The following OSBPL2 variants were observed in gnomAD, a reference collection of about 807,000 sequenced individuals.
OSBPL2 encodes the protein oxysterol binding protein like 2, also known as oxysterol-binding protein-related protein 2.
A neutral mutation model predicts 58.4 loss-of-function variants in OSBPL2; 18 were observed. The ratio of observed to expected loss-of-function variants is 0.31; its 90% confidence interval spans 0.21 to 0.46. OSBPL2 has a LOEUF of 0.46. OSBPL2 is among the 20% of genes least tolerant of loss of function. The pLI is 1.00. For missense variants in OSBPL2, 461 were observed against 616.5 expected (o/e 0.75, Z 2.67); for synonymous variants, 221 against 234.1 (o/e 0.94, Z 0.51).
intron 9 of OSBPL2, chr20:62,282,113 C>G (rs1021614932): frequency 2.9e-6 from 1 of 344,942 alleles, no homozygotes; most frequent in Non-Finnish European, 5.4e-6. Flanking sequence ...TGGCTTGTTA[C>G]TGGGGCCATC....
At chr20:62,264,065 C>CA (rs11476225) in intron 4 of OSBPL2, among the ~76,000 whole-genome samples, 4 of 97,994 alleles carry the variant, frequency 4.1e-5, no homozygotes, top group African/African-American at 7.6e-5. Context: ...GATTCCATCT[C>CA]AAAAAAAAAA....
chr20:62,272,853 G>A (rs1387329883), intron 5 of OSBPL2, among the ~76,000 whole-genome samples: 1 of 152,210 alleles, frequency 6.6e-6, no homozygotes, highest in Non-Finnish European at 1.5e-5. Context: ...CCACGATTAC[G>A]CCACTGCACT....
rs1981922172 is a variant in OSBPL2, at chr20:62,269,634, T to C, written c.259-2491T>C. 6.6e-6 allele frequency among the ~76,000 whole-genome samples: 1 copy of C among 152,202 alleles called. No individual in the cohort carries two copies. Among genetic ancestry groups the C allele is most frequent in the South Asian group, 2.1e-4 (1 of 4,830 alleles). On this transcript the variant is annotated intron_variant, in intron 4 of 13. Coordinates refer to ENST00000313733, the MANE Select transcript of OSBPL2 (RefSeq NM_144498.4). The surrounding 1 kb of genome is among the most constrained non-coding windows in gnomAD (Gnocchi z 4.2). ...GGCCGCTGTGGACTGTGGCCTCTTC[T>C]AGTTTACCAGGCGTTTAGAGCACGG... is the stretch of plus-strand genomic sequence containing the variant.
At chr20:62,247,051 G>A (rs1460527182) in intron 1 of OSBPL2, among the ~76,000 whole-genome samples, 1 of 152,208 alleles carries the variant, frequency 6.6e-6, no homozygotes, top group East Asian at 1.9e-4. Context: ...AAGTCCTGCA[G>A]GGATGTGACA....
At chr20:62,265,615 C>T (rs530569374) in intron 4 of OSBPL2, among the ~76,000 whole-genome samples, 9 of 152,258 alleles carry the variant, frequency 5.9e-5, no homozygotes, top group Admixed American at 2.0e-4. Flanking sequence ...CTGGAAAATA[C>T]GAGTGTGCTA....
chr20:62,286,735 C>T (rs763888626), intron 11 of OSBPL2, 24 bp downstream of exon 11: 40 of 1,596,858 alleles, frequency 2.5e-5, no homozygotes, highest in African/African-American at 4.0e-5. Context: ...CATGGCCTGA[C>T]GTCTCTGCCT....
chr20:62,243,228 C>T (rs546801025), intron 1 of OSBPL2, among the ~76,000 whole-genome samples: 12 of 152,344 alleles, frequency 7.9e-5, no homozygotes, highest in African/African-American at 2.6e-4. Context: ...CGAGCTCCTG[C>T]GAGTGCCCTG....
At chr20:62,276,542 G>A (rs960803622) in intron 6 of OSBPL2, among the ~76,000 whole-genome samples, 25 of 152,206 alleles carry the variant, frequency 1.6e-4, no homozygotes, top group African/African-American at 5.6e-4. Context: ...TGCCAACTTT[G>A]TGTTTTTTGT....
chr20:62,263,425 A>G (rs1371678376), intron 3 of OSBPL2, among the ~76,000 whole-genome samples, 191 bp from the exon 4 acceptor site: 1 of 152,186 alleles, frequency 6.6e-6, no homozygotes, highest in East Asian at 1.9e-4. Flanking sequence ...ATTCCCAGGA[A>G]GCCCTGGGAA....
chr20:62,245,230 C>T (rs146875060), intron 1 of OSBPL2, among the ~76,000 whole-genome samples: 1 of 152,126 alleles, frequency 6.6e-6, no homozygotes, highest in East Asian at 1.9e-4. Flanking sequence ...TTCTGAGTAG[C>T]TGGGACTACA....
chr20:62,288,027 T>G lies in OSBPL2; in HGVS notation c.1126-1180T>G. Among the ~76,000 whole-genome samples the G allele has an allele frequency of 6.6e-6, 1 of 150,376 alleles. No individual in the cohort carries two copies. The highest frequency in any genetic ancestry group is 2.5e-5 in the African/African-American group (1 of 40,678). On this transcript the variant is annotated intron_variant, in intron 11 of 13. Transcript: ENST00000313733. This position sits in a 1 kb window ranked among gnomAD's most constrained non-coding sequence, Gnocchi z 4.8. ...CATCTGAGTGCTGTGGCTTCAGTCA[T>G]GGGGTAGGGGTGGGGGTGTCTAGGG...
chr20:62,285,635 G>A (rs766038655), intron 10 of OSBPL2: 6 of 152,374 alleles, frequency 3.9e-5, no homozygotes, highest in Non-Finnish European at 8.8e-5. Context: ...GCCTTCTGGA[G>A]AGGCGCCATG....
chr20:62,275,256 T>C (rs1410671090), intron 6 of OSBPL2, among the ~76,000 whole-genome samples: 1 of 152,236 alleles, frequency 6.6e-6, no homozygotes, highest in Non-Finnish European at 1.5e-5. Flanking sequence ...TGTGTGTGTT[T>C]CAAAATATGA....
intron 9 of OSBPL2, chr20:62,282,223 T>C (rs1408399636): frequency 5.0e-6 from 1 of 198,088 alleles, no homozygotes; most frequent in Admixed American, 5.3e-5. Flanking sequence ...AGTGTGGCCT[T>C]GCGTTTTCCT....
chr20:62,263,491 A>T, intron 3 of OSBPL2, 125 bp from the exon 4 acceptor site: 1 of 767,138 alleles, frequency 1.3e-6, no homozygotes, highest in Non-Finnish European at 2.2e-6. Context: ...TAGGCATGCC[A>T]GAATGTAGAA....
At chr20:62,290,486 G>C (rs762897580) in intron 12 of OSBPL2, among the ~76,000 whole-genome samples, 74 of 139,322 alleles carry the variant, frequency 5.3e-4, no homozygotes, top group Admixed American at 1.2e-3. Context: ...GTGCGATCTC[G>C]GTTCACTGCA....
At chr20:62,240,537 G>T (rs915496819) in intron 1 of OSBPL2, among the ~76,000 whole-genome samples, 10 of 152,282 alleles carry the variant, frequency 6.6e-5, no homozygotes, top group African/African-American at 2.2e-4. Context: ...GAACAGAGAG[G>T]TTAAGTAACT....
intron 12 of OSBPL2, chr20:62,291,492 A>G (rs1314556795): frequency 8.3e-6 from 5 of 605,104 alleles, no homozygotes; most frequent in Non-Finnish European, 1.2e-5. Flanking sequence ...CCCATGCTCT[A>G]CTCAGCTCCG....
At chr20:62,290,499 C>T (rs1414177913) in intron 12 of OSBPL2, among the ~76,000 whole-genome samples, 1 of 141,090 alleles carries the variant, frequency 7.1e-6, no homozygotes, top group African/African-American at 2.7e-5. Flanking sequence ...TCACTGCAAG[C>T]TCCGCCTTCT....
Sources: allele counts gnomAD v4.1 joint callset (sites outside exome capture counted in the v4.1 genomes callset), GRCh38; gene constraint gnomAD v4.1.1; non-coding constraint Gnocchi (gnomAD v3.1); transcripts MANE v1.5; gene names NCBI Gene and HGNC (gene_info 2026-07-23, HGNC 2026-07-21).